The following SDCCAG8 variants were observed in gnomAD, a reference collection of about 807,000 sequenced individuals.
SDCCAG8 encodes SHH signaling and ciliogenesis regulator SDCCAG8.
SDCCAG8 carries 74 observed loss-of-function variants against 101.8 expected under a neutral mutation model. That is an observed-to-expected ratio of 0.73 (90% CI 0.60 to 0.88). The LOEUF (loss-of-function observed/expected upper bound fraction) is 0.88. Ranked by LOEUF, SDCCAG8 falls within the 40% of genes least tolerant of loss-of-function variation. SDCCAG8 has a pLI of 0.00. For synonymous variants in SDCCAG8, 281 were observed against 292.9 expected (o/e 0.96, Z 0.41); for missense variants, 787 against 822.6 (o/e 0.96, Z 0.53).
chr1:243,424,875 A>G (rs570589993), intron 15 of SDCCAG8, among the ~76,000 whole-genome samples: 1 of 152,024 alleles, frequency 6.6e-6, no homozygotes, highest in Non-Finnish European at 1.5e-5. Context: ...TGCCTGGGAA[A>G]AGATCAATGT....
At chr1:243,481,266 G>A (rs1032635256) in intron 16 of SDCCAG8, among the ~76,000 whole-genome samples, 7 of 152,142 alleles carry the variant, frequency 4.6e-5, no homozygotes, top group African/African-American at 1.7e-4. Context: ...AAAGGGGAGT[G>A]AGAGACCTGT....
At chr1:243,411,408 A>G (rs1258678901) in intron 13 of SDCCAG8, among the ~76,000 whole-genome samples, 1 of 151,996 alleles carries the variant, frequency 6.6e-6, no homozygotes, top group Non-Finnish European at 1.5e-5. Context: ...TAAGCCACTG[A>G]TTTGCTCCTT....
intron 13 of SDCCAG8, among the ~76,000 whole-genome samples, chr1:243,408,622 T>A (rs1187882085): frequency 6.6e-6 from 1 of 152,160 alleles, no homozygotes; most frequent in African/African-American, 2.4e-5. Context: ...TTTCTCTACA[T>A]CCCTGATAAA....
intron 16 of SDCCAG8, among the ~76,000 whole-genome samples, chr1:243,447,035 T>C (rs1185262423): frequency 1.3e-5 from 2 of 152,032 alleles, no homozygotes; most frequent in African/African-American, 2.4e-5. Context: ...GCAGATCACC[T>C]GAGTTCAGGA....
Position 243,304,842 on chromosome 1 carries a change from G to C in SDCCAG8, c.740+65G>C, listed in dbSNP as rs1359996872. On this transcript the variant is annotated intron_variant, in intron 7 of 17. Transcript: ENST00000366541. The stretch of plus-strand genomic sequence containing the variant: ...TAATGATCTTAAAATATATTTGAAT[G>C]TTTGCTGAACTTCTAGTTTTAGTCA... 4.1e-6 allele frequency: 4 copies of C among 983,754 alleles called. No homozygotes were observed. In the African/African-American group the frequency reaches 4.8e-5, roughly 12 times the overall value. The allele number at this position is 983,754 out of a possible 1,614,324, so 60.9% of individuals were successfully genotyped here.
At chr1:243,300,766 C>G (rs2071418772) in intron 6 of SDCCAG8, among the ~76,000 whole-genome samples, 1 of 152,158 alleles carries the variant, frequency 6.6e-6, no homozygotes, top group African/African-American at 2.4e-5. Context: ...ATTAGGAGTT[C>G]CTGCCTCTCT....
chr1:243,261,300 G>C (rs1276389030), intron 1 of SDCCAG8, among the ~76,000 whole-genome samples: 1 of 151,882 alleles, frequency 6.6e-6, no homozygotes, highest in Non-Finnish European at 1.5e-5. Flanking sequence ...GATCATTAAT[G>C]TTCCTTCCAT....
chr1:243,384,766 G>A (rs1001188681), intron 13 of SDCCAG8, among the ~76,000 whole-genome samples: 1 of 151,664 alleles, frequency 6.6e-6, no homozygotes, highest in Admixed American at 6.6e-5. Flanking sequence ...AACATAGCAT[G>A]ACCGCATCTC....
chr1:243,409,637 C>T (rs923301148), intron 13 of SDCCAG8, among the ~76,000 whole-genome samples: 3 of 152,240 alleles, frequency 2.0e-5, no homozygotes, highest in Admixed American at 1.3e-4. Context: ...TAGAAAGCCA[C>T]GTGAACAATA....
At chr1:243,469,354 T>G (rs1010743951) in intron 16 of SDCCAG8, among the ~76,000 whole-genome samples, 29 of 152,202 alleles carry the variant, frequency 1.9e-4, no homozygotes, top group African/African-American at 7.0e-4. Context: ...AAAAGATATT[T>G]GTACCACTAA....
intron 12 of SDCCAG8, among the ~76,000 whole-genome samples, chr1:243,352,070 A>T (rs902807608): frequency 2.0e-5 from 3 of 152,200 alleles, no homozygotes; most frequent in Admixed American, 6.5e-5. Flanking sequence ...TCAAAAAAAG[A>T]ATCTATTAAT....
chr1:243,306,694 G>A (rs779656474), intron 7 of SDCCAG8: 10 of 152,118 alleles, frequency 6.6e-5, no homozygotes, highest in Non-Finnish European at 1.2e-4. Flanking sequence ...GCCTTTGAAA[G>A]TCAGACATTC....
At chr1:243,294,108 T>C (rs962404108) in intron 6 of SDCCAG8, among the ~76,000 whole-genome samples, 5 of 152,316 alleles carry the variant, frequency 3.3e-5, no homozygotes, top group Admixed American at 3.3e-4. Flanking sequence ...GTAAGTCTGA[T>C]GTCTGTGGTT....
At chr1:243,355,480 A>C (rs1225348464) in intron 12 of SDCCAG8, among the ~76,000 whole-genome samples, 2 of 152,230 alleles carry the variant, frequency 1.3e-5, no homozygotes, top group African/African-American at 2.4e-5. Context: ...GTGGCTGCCA[A>C]GGAAACGAGG....
Position 243,344,240 on chromosome 1 carries a change from T to C in SDCCAG8, c.1382T>C (p.Leu461Pro). ...TKVCGEMRYQLNKTNMEKDEA... is the reference protein window; with the variant it reads ...TKVCGEMRYQPNKTNMEKDEA... ...GTGTGTGGAGAAATGCGCTATCAGC[T>C]GAATAAAACCAACATGGAGAAGGAT... The change falls in exon 12 of 18, where the codon CTG becomes CCG. Residue 461 changes from leucine (L) to proline (P), a missense_variant. Transcript: ENST00000366541. The C allele has an allele frequency of 1.9e-6, 3 of 1,613,952 alleles. No individual in the cohort carries two copies. Among genetic ancestry groups the C allele is most frequent in the East Asian group, 4.5e-5 (2 of 44,848 alleles).
intron 16 of SDCCAG8, among the ~76,000 whole-genome samples, chr1:243,471,668 G>C (rs1299096319): frequency 6.6e-6 from 1 of 152,116 alleles, no homozygotes; most frequent in Non-Finnish European, 1.5e-5. Flanking sequence ...GAAGCCTCAG[G>C]AGATGGAAAA....
intron 13 of SDCCAG8, among the ~76,000 whole-genome samples, chr1:243,390,358 C>T (rs1277238586): frequency 2.6e-5 from 4 of 152,116 alleles, no homozygotes; most frequent in African/African-American, 7.2e-5. Flanking sequence ...TCTTTTCCTT[C>T]CCCCACCCAG....
At chr1:243,486,698 G>A (rs1443417961) in intron 16 of SDCCAG8, among the ~76,000 whole-genome samples, 1 of 152,226 alleles carries the variant, frequency 6.6e-6, no homozygotes, top group Non-Finnish European at 1.5e-5. Flanking sequence ...CTTTTCAGGA[G>A]TTCAAAACCA....
chr1:243,476,008 A>G (rs1662342252), intron 16 of SDCCAG8: 1 of 985,336 alleles, frequency 1.0e-6, no homozygotes, highest in South Asian at 4.7e-5. Context: ...CAGCAGGCCT[A>G]ATCACTCTGA....
Sources: allele counts gnomAD v4.1 joint callset (sites outside exome capture counted in the v4.1 genomes callset), GRCh38; gene constraint gnomAD v4.1.1; transcripts MANE v1.5; gene names NCBI Gene and HGNC (gene_info 2026-07-23, HGNC 2026-07-21).